BIRC6: variants seen among roughly 807,000 people sequenced by gnomAD.
BIRC6 encodes baculoviral IAP repeat containing 6.
BIRC6 carries 98 observed loss-of-function variants against 503.3 expected under a neutral mutation model. The ratio of observed to expected loss-of-function variants is 0.19; its 90% CI spans 0.17 to 0.23. BIRC6 has a LOEUF of 0.23. Ranked by LOEUF, BIRC6 falls within the 10% of genes least tolerant of loss-of-function variation. The pLI, the probability that BIRC6 is intolerant of heterozygous loss-of-function variation, is 1.00. For missense variants in BIRC6, 5,360 were observed against 5,806.0 expected (o/e 0.92, Z 2.50); for synonymous variants, 2,240 against 2,078.7 (o/e 1.08, Z -2.11).
intron 26 of BIRC6, among the ~76,000 whole-genome samples, chr2:32,466,978 G>A (rs1388005271): frequency 6.6e-6 from 1 of 152,110 alleles, no homozygotes; most frequent in Non-Finnish European, 1.5e-5. Flanking sequence ...AATTAGCCGG[G>A]CATGGCAGCG....
At chr2:32,452,026 C>T (rs1221472312) in intron 22 of BIRC6, among the ~76,000 whole-genome samples, 2 of 152,114 alleles carry the variant, frequency 1.3e-5, no homozygotes, top group African/African-American at 2.4e-5. Context: ...CTTAATGTAA[C>T]AGAGTTTGAG....
rs1287919780 is a variant in BIRC6, at chr2:32,487,651, A to G, written c.7818A>G (p.Ser2606=). ...ATACTTGTGTTTAATTTTCAGTATCACAGTCTCCCACTGGAACAGATGATT... is the reference window on the plus strand; with the variant it reads ...ATACTTGTGTTTAATTTTCAGTATCGCAGTCTCCCACTGGAACAGATGATT... ...QALTNTSPTL[S]QSPTGTDDSL... The change falls in exon 41 of 74, where the codon TCA becomes TCG. Residue 2606 remains serine (S), a synonymous_variant. Transcript: ENST00000421745. 6.2e-7 allele frequency: 1 copy of G among 1,613,148 alleles called. No individual in the cohort carries two copies. The highest frequency in any genetic ancestry group is 1.7e-5 in the Admixed American group (1 of 59,918).
intron 1 of BIRC6, among the ~76,000 whole-genome samples, chr2:32,364,048 A>G (rs573601342): frequency 6.6e-6 from 1 of 152,320 alleles, no homozygotes; most frequent in African/African-American, 2.4e-5. Flanking sequence ...TGAAGTTAAG[A>G]TAGTTGTATT....
intron 65 of BIRC6, among the ~76,000 whole-genome samples, chr2:32,569,189 G>A (rs900964829): frequency 7.9e-5 from 12 of 151,816 alleles, no homozygotes; most frequent in East Asian, 3.9e-4. Context: ...GGGTTTCGCC[G>A]TGTTGACCAG....
At chr2:32,416,955 C>T (rs1228897999) in intron 10 of BIRC6, among the ~76,000 whole-genome samples, 1 of 152,054 alleles carries the variant, frequency 6.6e-6, no homozygotes, top group African/African-American at 2.4e-5. Context: ...CCTGCCTCAG[C>T]CTCCCAAGTA....
intron 57 of BIRC6, 69 bp from the exon 58 acceptor site, chr2:32,524,819 G>C: frequency 9.2e-7 from 1 of 1,092,688 alleles, no homozygotes; most frequent in South Asian, 2.4e-5. Context: ...ATCTCCCTCT[G>C]AAACATATAT....
chr2:32,485,726 A>G lies in BIRC6; in HGVS notation c.7780A>G (p.Ile2594Val). Residue 2594 changes from isoleucine to valine, a missense_variant, in exon 40 of 74, where the codon ATT (isoleucine) becomes GTT (valine). By Grantham distance (29) the Ile-to-Val change is conservative. Coordinates refer to ENST00000421745, the MANE Select transcript of BIRC6 (RefSeq NM_016252.4). ...GATGTCTACTCTGGAGGCAGATTCC[A>G]TTTTACAGGCATTAACAAATACATC... ...KMMSTLEADSILQALTNTSPT... is the reference protein window; with the variant it reads ...KMMSTLEADSVLQALTNTSPT... 4 of 1,613,200 alleles carry G rather than the reference A, an allele frequency of 2.5e-6. No homozygotes were observed. The highest frequency in any genetic ancestry group is 3.4e-6 in the Non-Finnish European group (4 of 1,179,234).
At chr2:32,598,491 A>C (rs1244327264) in intron 69 of BIRC6, among the ~76,000 whole-genome samples, 2 of 152,138 alleles carry the variant, frequency 1.3e-5, no homozygotes, top group South Asian at 4.1e-4. Flanking sequence ...TAAATTCCTA[A>C]CATCTGTGAA....
chr2:32,377,526 T>G, intron 1 of BIRC6, 62 bp from the exon 2 acceptor site: 4 of 1,361,658 alleles, frequency 2.9e-6, no homozygotes, highest in Non-Finnish European at 4.0e-6. Context: ...TATGTAAACA[T>G]TTATTTTTAA....
chr2:32,420,638 C>T (rs952336585), intron 10 of BIRC6, among the ~76,000 whole-genome samples: 8 of 151,994 alleles, frequency 5.3e-5, no homozygotes, highest in Non-Finnish European at 1.0e-4. Context: ...CTCAGCCTCC[C>T]GAGTAGCTGG....
At chr2:32,477,614 G>T (rs769523280) in intron 35 of BIRC6, 31 bp downstream of exon 35, 26 of 1,574,642 alleles carry the variant, frequency 1.7e-5, no homozygotes, top group East Asian at 9.0e-5. Context: ...GACTTACAGG[G>T]TTGGCCGGGC....
intron 5 of BIRC6, among the ~76,000 whole-genome samples, chr2:32,393,450 A>G (rs1376475178): frequency 6.6e-6 from 1 of 152,238 alleles, no homozygotes; most frequent in Non-Finnish European, 1.5e-5. Flanking sequence ...TACCACTGCT[A>G]AAAGAATCTA....
chr2:32,416,192 TATAAA>T, intron 10 of BIRC6, 29 bp downstream of exon 10: 1 of 1,533,506 alleles, frequency 6.5e-7, no homozygotes, highest in South Asian at 1.3e-5. Flanking sequence ...CTATAAATCT[TATAAA>T]ATCCATGTAT....
rs78362694 is a variant in BIRC6 at position 32,439,332 on chromosome 2, T to C, written c.3632-176T>C. 4.9e-3 allele frequency among the ~76,000 whole-genome samples: 749 copies of C among 152,330 alleles called. 5 individuals are homozygous for C. Among genetic ancestry groups the C allele is most frequent in the African/African-American group, 0.017 (711 of 41,578 alleles). On this transcript the variant is annotated intron_variant, in intron 15 of 73. Coordinates refer to ENST00000421745, the MANE Select transcript of BIRC6 (RefSeq NM_016252.4). ...ATATCATTCCTTTGTTGGTTGTTTT[T>C]TGCTGACAGCGTGTGAAGGTGGTTC...
At chr2:32,617,681 T>C in intron 73 of BIRC6, 44 bp from the exon 74 acceptor site, 2 of 1,580,194 alleles carry the variant, frequency 1.3e-6, no homozygotes, top group Non-Finnish European at 8.6e-7. Flanking sequence ...GATGTTGTGC[T>C]AGAGGGTTTG....
chr2:32,360,455 C>T (rs62136265), intron 1 of BIRC6, among the ~76,000 whole-genome samples: 2 of 152,172 alleles, frequency 1.3e-5, no homozygotes. Context: ...AAGCTCTGAG[C>T]TGCGTGATCT....
chr2:32,375,679 A>G (rs1301109700), intron 1 of BIRC6, among the ~76,000 whole-genome samples: 5 of 151,634 alleles, frequency 3.3e-5, no homozygotes, highest in Admixed American at 6.6e-5. Flanking sequence ...TTGTAAACAG[A>G]TGACATACAT....
In BIRC6 at chr2:32,357,625, C is replaced by CATCATCA. The variant is rs2033298838; in HGVS notation, c.325+139_325+140insATCATCA. On this transcript the variant is annotated intron_variant, in intron 1 of 73. Coordinates refer to ENST00000421745, the MANE Select transcript of BIRC6 (RefSeq NM_016252.4). The surrounding 1 kb of genome is among the most constrained non-coding windows in gnomAD (Gnocchi z 4.9). ...TCGGGCCCAGCCGTGAAGGGAGGCC[C>CATCATCA]GGAAGCTGATGGAGGGGGACCTTAG... 1 of 1,408,624 alleles carries CATCATCA rather than the reference C, an allele frequency of 7.1e-7. No individual in the cohort carries two copies. Among genetic ancestry groups the CATCATCA allele is most frequent in the East Asian group, 2.8e-5 (1 of 36,308 alleles). The allele number at this position is 1,408,624 out of a possible 1,614,324, so 87.3% of individuals were successfully genotyped here.
Position 32,377,655 on chromosome 2 carries a change from T to C in BIRC6, c.393T>C (p.Asp131=), listed in dbSNP as rs760543895. 5.6e-6 allele frequency: 9 copies of C among 1,613,320 alleles called. No homozygotes were observed. The Admixed American group carries it at 1.5e-4, about 27-fold the overall frequency. The change falls in exon 2 of 74, where the codon GAT becomes GAC. Residue 131 remains aspartate (D), a synonymous_variant. Coordinates refer to ENST00000421745, the MANE Select transcript of BIRC6 (RefSeq NM_016252.4). ...TGGATAAAGTTATATTTGTGGATGA[T>C]TATGCAGTAGGGTGTAGGAAGGACC... ...SAVDKVIFVD[D]YAVGCRKDLN...
Sources: gnomAD v4.1 joint callset for allele counts (sites outside exome capture counted in the v4.1 genomes callset) on GRCh38, gnomAD v4.1.1 for gene constraint, Gnocchi (gnomAD v3.1) non-coding constraint, MANE v1.5 for transcripts, NCBI Gene and HGNC (gene_info 2026-07-23, HGNC 2026-07-21) for gene names.